Variants in CDH4 observed in about 807,000 individuals in gnomAD.
CDH4 encodes the protein cadherin-4.
In CDH4, 33 loss-of-function variants were observed where a neutral mutation model predicts 86.0. The observed-to-expected ratio is 0.38, with a 90% CI of 0.29 to 0.51. CDH4 has a LOEUF of 0.51. Ranked by LOEUF, CDH4 falls within the 20% of genes least tolerant of loss-of-function variation. The probability of loss-of-function intolerance (pLI) is 0.86; values close to 1 mark genes in which losing one functional copy is unlikely to be tolerated. For synonymous variants in CDH4, 555 were observed against 549.4 expected (o/e 1.01, Z -0.14); for missense variants, 1,114 against 1,307.4 (o/e 0.85, Z 2.28).
At chr20:61,783,525 T>G (rs6142861) in intron 4 of CDH4, among the ~76,000 whole-genome samples, 1 of 132,424 alleles carries the variant, frequency 7.6e-6, no homozygotes, top group Admixed American at 7.4e-5. Context: ...TTCCTTGGGA[T>G]AGTTCTCAAG....
rs763940892 is a variant in CDH4 at position 61,929,649 on chromosome 20, G to C, written c.2046G>C (p.Glu682Asp). Residue 682 changes from glutamate (E) to aspartate (D), a missense_variant, in exon 13 of 16, where the codon GAG becomes GAC. This residue lies in a region of CDH4 where 705 missense variants were observed against 914.1 expected (regional missense o/e 0.77). Transcript: ENST00000614565. ...AQLSLRILYL[E>D]AGMYDVPIIV... ...TCAGCTTGCGCATCCTGTACCTGGA[G>C]GCCGGGATGTATGACGTCCCCATCA... 5.6e-6 allele frequency: 9 copies of C among 1,613,998 alleles called. No homozygotes were observed. Among genetic ancestry groups the C allele is most frequent in the Non-Finnish European group, 6.8e-6 (8 of 1,180,046 alleles).
At chr20:61,472,369 T>C (rs2085509642) in intron 2 of CDH4, among the ~76,000 whole-genome samples, 1 of 152,198 alleles carries the variant, frequency 6.6e-6, no homozygotes, top group South Asian at 2.1e-4. Flanking sequence ...TTTTCCATTC[T>C]GAATTATTGA....
intron 2 of CDH4, among the ~76,000 whole-genome samples, chr20:61,732,442 C>T (rs1412947896): frequency 6.6e-6 from 1 of 152,154 alleles, no homozygotes; most frequent in African/African-American, 2.4e-5. Flanking sequence ...TCCCTCCCTG[C>T]CTCCTCCTCG....
intron 4 of CDH4, among the ~76,000 whole-genome samples, chr20:61,793,571 G>T (rs1979334555): frequency 6.6e-6 from 1 of 152,128 alleles, no homozygotes; most frequent in Non-Finnish European, 1.5e-5. Context: ...GCCGGGCGCA[G>T]TGGCTCACGC....
At chr20:61,425,503 G>A (rs769938887) in intron 2 of CDH4, among the ~76,000 whole-genome samples, 2 of 152,246 alleles carry the variant, frequency 1.3e-5, no homozygotes, top group South Asian at 2.1e-4. Context: ...TGAGCAGGAC[G>A]TGGGCTCTGA....
At chr20:61,624,830 G>A (rs1463218304) in intron 2 of CDH4, among the ~76,000 whole-genome samples, 1 of 152,172 alleles carries the variant, frequency 6.6e-6, no homozygotes, top group Non-Finnish European at 1.5e-5. Context: ...CTGGCATGGG[G>A]GATAGTACAG....
intron 2 of CDH4, among the ~76,000 whole-genome samples, chr20:61,314,574 A>G (rs1355077664): frequency 6.6e-6 from 1 of 152,212 alleles, no homozygotes; most frequent in African/African-American, 2.4e-5. Context: ...ATGTGCTGCA[A>G]TGAACTTGGG....
chr20:61,315,211 G>C (rs1222918168), intron 2 of CDH4, among the ~76,000 whole-genome samples: 3 of 152,056 alleles, frequency 2.0e-5, no homozygotes, highest in African/African-American at 7.2e-5. Context: ...GTTGGGTGGG[G>C]CTTGTGATCT....
intron 4 of CDH4, among the ~76,000 whole-genome samples, chr20:61,776,648 C>A (rs1202172797): frequency 6.6e-6 from 1 of 152,214 alleles, no homozygotes; most frequent in Non-Finnish European, 1.5e-5. Context: ...TTAGGGCTGA[C>A]GAGCTGCACT....
At chr20:61,800,394 A>G (rs961616599) in intron 4 of CDH4, among the ~76,000 whole-genome samples, 6 of 152,218 alleles carry the variant, frequency 3.9e-5, no homozygotes, top group Non-Finnish European at 8.8e-5. Flanking sequence ...TGCCCGCCGC[A>G]GGGCTGACCC....
chr20:61,285,503 C>T (rs910724010), intron 2 of CDH4, among the ~76,000 whole-genome samples: 1 of 152,252 alleles, frequency 6.6e-6, no homozygotes, highest in Non-Finnish European at 1.5e-5. Context: ...ACTCAGAAAA[C>T]AGCTGAAAGG....
Position 61,315,997 on chromosome 20 carries a change from A to G in CDH4, c.169+61060A>G, listed in dbSNP as rs571350350. Among the ~76,000 whole-genome samples, 3 of 152,266 alleles carry G rather than the reference A, an allele frequency of 2.0e-5. No homozygotes were observed. The South Asian group carries it at 6.2e-4, about 32-fold the overall frequency. On this transcript the variant is annotated intron_variant, in intron 2 of 15. Transcript: ENST00000614565. ...TTCCAAGGGAACAGGCGATTTCCACAGGGCCCTGGAAGCTGGGTTTCTGAT... is the reference window on the plus strand; with the variant it reads ...TTCCAAGGGAACAGGCGATTTCCACGGGGCCCTGGAAGCTGGGTTTCTGAT...
chr20:61,865,873 G>A (rs886419330), intron 6 of CDH4, among the ~76,000 whole-genome samples: 1 of 151,772 alleles, frequency 6.6e-6, no homozygotes, highest in Non-Finnish European at 1.5e-5. Context: ...GTAGATGATA[G>A]CTGGCTTCCT....
intron 2 of CDH4, among the ~76,000 whole-genome samples, chr20:61,734,029 C>T (rs930303692): frequency 1.3e-5 from 2 of 152,222 alleles, no homozygotes; most frequent in Non-Finnish European, 2.9e-5. Context: ...TCTCCTGGCC[C>T]CTTTCACAGA....
At chr20:61,713,653 G>A (rs2087917253) in intron 2 of CDH4, among the ~76,000 whole-genome samples, 1 of 152,234 alleles carries the variant, frequency 6.6e-6, no homozygotes, top group African/African-American at 2.4e-5. Context: ...GCTGAGTGAG[G>A]CCCTGGGGCA....
At chr20:61,383,208 AAT>A (rs1491467058) in intron 2 of CDH4, among the ~76,000 whole-genome samples, 1 of 99,784 alleles carries the variant, frequency 1.0e-5, no homozygotes, top group Non-Finnish European at 2.0e-5. Flanking sequence ...TTTATATATG[AAT>A]ATATATGAAT....
At chr20:61,655,829 C>A (rs2087181014) in intron 2 of CDH4, among the ~76,000 whole-genome samples, 1 of 152,258 alleles carries the variant, frequency 6.6e-6, no homozygotes, top group Non-Finnish European at 1.5e-5. Context: ...TCACCTGTAT[C>A]ACCTGCATGC....
At chr20:61,680,205 C>T (rs1283962110) in intron 2 of CDH4, among the ~76,000 whole-genome samples, 2 of 152,240 alleles carry the variant, frequency 1.3e-5, no homozygotes, top group African/African-American at 4.8e-5. Flanking sequence ...ACCCCCTGCC[C>T]CTGTCCTCCA....
rs181152701 is a variant in CDH4, at chr20:61,579,396, C to G, written c.170-164167C>G. Among the ~76,000 whole-genome samples the G allele has an allele frequency of 1.1e-4, 17 of 150,484 alleles. No individual in the cohort carries two copies. In the East Asian group the frequency reaches 3.2e-3, roughly 28 times the overall value. On this transcript the variant is annotated intron_variant, in intron 2 of 15. Coordinates refer to ENST00000614565, the MANE Select transcript of CDH4 (RefSeq NM_001794.5). ...CCTCCTCCCGGGTTCAAGTGATTCT[C>G]TTGCCTCAACCTCCTGAGTAGCTGG...
Sources: gnomAD v4.1 joint callset for allele counts (sites outside exome capture counted in the v4.1 genomes callset) on GRCh38, gnomAD v4.1.1 for gene constraint, gnomAD v4.1.1 regional missense constraint, MANE v1.5 for transcripts, NCBI Gene and HGNC (gene_info 2026-07-23, HGNC 2026-07-21) for gene names.